The following EEFSEC variants were observed in gnomAD, a reference collection of about 807,000 sequenced individuals.
EEFSEC encodes selenocysteine-specific elongation factor.
Under a neutral mutation model 42.1 loss-of-function variants are expected in EEFSEC, and 43 were observed. That is an observed-to-expected ratio of 1.02 (90% CI 0.80 to 1.32). EEFSEC has a LOEUF of 1.32. Among genes scored for constraint, EEFSEC ranks in the 40% most tolerant of loss-of-function variants. The pLI is 0.00. For missense variants in EEFSEC, 745 were observed against 803.6 expected, an observed-to-expected ratio of 0.93 and a Z score of 0.88; for synonymous variants, 354 against 339.1, an observed-to-expected ratio of 1.04 and a Z score of -0.48.
intron 1 of EEFSEC, among the ~76,000 whole-genome samples, chr3:128,181,297 T>C (rs544476995): frequency 7.2e-5 from 11 of 152,336 alleles, no homozygotes; most frequent in African/African-American, 2.4e-4. Context: ...CCCAAATCCT[T>C]TTCTGTGTGT....
rs1269758191 is a variant in EEFSEC at position 128,339,327 on chromosome 3, G to C, written c.787-1906G>C. 2.6e-5 allele frequency among the ~76,000 whole-genome samples: 4 copies of C among 152,150 alleles called. No individual in the cohort carries two copies. The East Asian group carries it at 5.8e-4, about 22-fold the overall frequency. ...TAGCAACACACTCTCCCTTTATCCA[G>C]GGAGAAAATGAGTGTTCGTACACCC... On this transcript the variant is annotated intron_variant, in intron 4 of 6. Transcript: ENST00000254730.
chr3:128,290,284 G>GT (rs557089390), intron 4 of EEFSEC, among the ~76,000 whole-genome samples: 51 of 148,460 alleles, frequency 3.4e-4, no homozygotes, highest in African/African-American at 6.4e-4. Context: ...AGGATTGAAG[G>GT]TTTTTTTTTT....
At chr3:128,401,710 AC>A (rs1335324188) in intron 6 of EEFSEC, among the ~76,000 whole-genome samples, 2 of 152,166 alleles carry the variant, frequency 1.3e-5, no homozygotes, top group East Asian at 3.9e-4. Flanking sequence ...TCTGACCCGG[AC>A]CCTAGAGCAA....
At chr3:128,312,755 G>A (rs181046525) in intron 4 of EEFSEC, among the ~76,000 whole-genome samples, 13 of 152,344 alleles carry the variant, frequency 8.5e-5, no homozygotes, top group African/African-American at 2.9e-4. Context: ...CAGGCTGTGG[G>A]GAGGAGGGAG....
chr3:128,285,622 A>G (rs1353592229), intron 4 of EEFSEC, among the ~76,000 whole-genome samples: 2 of 151,936 alleles, frequency 1.3e-5, no homozygotes, highest in Non-Finnish European at 2.9e-5. Context: ...GTGCTTCCCT[A>G]CTGATCCCCA....
chr3:128,270,334 A>C (rs1442347352), intron 4 of EEFSEC, among the ~76,000 whole-genome samples: 1 of 152,160 alleles, frequency 6.6e-6, no homozygotes, highest in Non-Finnish European at 1.5e-5. Flanking sequence ...TGAAATGCAA[A>C]TATGCTTTGC....
At chr3:128,363,208 T>C (rs1337939901) in intron 6 of EEFSEC, among the ~76,000 whole-genome samples, 1 of 152,232 alleles carries the variant, frequency 6.6e-6, no homozygotes, top group Non-Finnish European at 1.5e-5. Context: ...CTCGTTTCAC[T>C]GCACAAGCAG....
At chr3:128,366,525 G>A (rs2067592190) in intron 6 of EEFSEC, among the ~76,000 whole-genome samples, 1 of 152,230 alleles carries the variant, frequency 6.6e-6, no homozygotes, top group East Asian at 1.9e-4. Flanking sequence ...CAGCCTGAGG[G>A]CACAGAGGAG....
intron 4 of EEFSEC, among the ~76,000 whole-genome samples, chr3:128,306,522 A>G (rs865956447): frequency 6.6e-6 from 1 of 152,150 alleles, no homozygotes; most frequent in African/African-American, 2.4e-5. Context: ...AACGTAATCT[A>G]TCTTTTTTTT....
intron 6 of EEFSEC, among the ~76,000 whole-genome samples, chr3:128,389,085 G>A (rs1020632045): frequency 3.3e-5 from 5 of 152,228 alleles, no homozygotes; most frequent in Non-Finnish European, 7.3e-5. Context: ...GCCCTGGGCC[G>A]AGGCAGCCTG....
intron 6 of EEFSEC, among the ~76,000 whole-genome samples, chr3:128,387,577 G>T (rs2067856413): frequency 6.6e-6 from 1 of 152,150 alleles, no homozygotes; most frequent in African/African-American, 2.4e-5. Context: ...CCTGAATTAA[G>T]TCGGCTGCTG....
chr3:128,310,339 T>C (rs1027041531), intron 4 of EEFSEC, among the ~76,000 whole-genome samples: 1 of 152,260 alleles, frequency 6.6e-6, no homozygotes, highest in Non-Finnish European at 1.5e-5. Context: ...TCCGCATCTT[T>C]CAGCTTTGAC....
Position 128,153,757 on chromosome 3 carries a change from C to A in EEFSEC, c.250C>A (p.Pro84Thr), listed in dbSNP as rs780399817. The change falls in exon 1 of 7, where the codon CCA becomes ACA. Residue 84 changes from proline (P) to threonine (T), a missense_variant. Physicochemically the swap from Pro to Thr is conservative, Grantham distance 38. Transcript: ENST00000254730. ...APEAEPEPGEPLLQVTLVDCP... is the reference protein window; with the variant it reads ...APEAEPEPGETLLQVTLVDCP... ...CGAGGCCGAGCCCGAGCCCGGCGAG[C>A]CACTGCTTCAGGTCACGCTGGTCGA... The A allele has an allele frequency of 6.5e-7, 1 of 1,545,584 alleles. No homozygotes were observed. Among genetic ancestry groups the A allele is most frequent in the South Asian group, 1.2e-5 (1 of 84,892 alleles).
intron 6 of EEFSEC, among the ~76,000 whole-genome samples, chr3:128,405,269 G>A (rs1348052207): frequency 6.6e-6 from 1 of 152,134 alleles, no homozygotes; most frequent in Non-Finnish European, 1.5e-5. Flanking sequence ...ACCCACCTCG[G>A]CCTCCCAAAG....
chr3:128,258,132 A>T (rs892428498), intron 2 of EEFSEC, among the ~76,000 whole-genome samples: 2 of 152,242 alleles, frequency 1.3e-5, no homozygotes, highest in Non-Finnish European at 2.9e-5. Flanking sequence ...CAATTGGTCT[A>T]TGTGCAGGTC....
At chr3:128,161,551 T>A (rs933622910) in intron 1 of EEFSEC, among the ~76,000 whole-genome samples, 2 of 152,198 alleles carry the variant, frequency 1.3e-5, no homozygotes, top group Non-Finnish European at 2.9e-5. Context: ...TGAGGAGGGC[T>A]GCAAAAGACT....
chr3:128,352,482 T>C, intron 5 of EEFSEC, among the ~76,000 whole-genome samples: 1 of 152,228 alleles, frequency 6.6e-6, no homozygotes, highest in African/African-American at 2.4e-5. Flanking sequence ...GACAAGCCAC[T>C]GCTGTGCTGA....
chr3:128,203,196 T>C (rs2065660029), intron 1 of EEFSEC, among the ~76,000 whole-genome samples: 1 of 152,226 alleles, frequency 6.6e-6, no homozygotes, highest in Non-Finnish European at 1.5e-5. Context: ...ACAGCAGGAA[T>C]GGCAAAGTCT....
intron 4 of EEFSEC, among the ~76,000 whole-genome samples, chr3:128,295,451 CTTTTTTTTTTTTT>C (rs201911929): frequency 1.6e-5 from 1 of 63,988 alleles, no homozygotes; most frequent in Non-Finnish European, 2.8e-5. Context: ...CTTCCCCCTA[CTTTTTTTTTTTTT>C]TTTTTTTTTT....
Sources: gnomAD v4.1 joint callset for allele counts (sites outside exome capture counted in the v4.1 genomes callset) on GRCh38, gnomAD v4.1.1 for gene constraint, MANE v1.5 for transcripts, NCBI Gene and HGNC (gene_info 2026-07-23, HGNC 2026-07-21) for gene names.